Variants in GALNT17 observed in about 807,000 individuals in gnomAD.
GALNT17 encodes the protein UDP-GalNAc:polypeptide N-acetylgalactosaminyltransferase-like 3.
GALNT17 carries 29 observed loss-of-function variants against 63.7 expected under a neutral mutation model. That is an observed-to-expected ratio of 0.46 (90% CI 0.34 to 0.62). The LOEUF (loss-of-function observed/expected upper bound fraction) is 0.62, where lower values mean the gene tolerates loss of function less well. Ranked by LOEUF, GALNT17 falls within the 20% of genes least tolerant of loss-of-function variation. The probability of loss-of-function intolerance (pLI) is 0.01; values close to 1 mark genes in which losing one functional copy is unlikely to be tolerated. For synonymous variants in GALNT17, 305 were observed against 318.3 expected (o/e 0.96, Z 0.45); for missense variants, 603 against 799.6 (o/e 0.75, Z 2.97).
intron 1 of GALNT17, among the ~76,000 whole-genome samples, chr7:71,212,917 C>A (rs1485466762): frequency 6.6e-6 from 1 of 152,138 alleles, no homozygotes; most frequent in Admixed American, 6.5e-5. Flanking sequence ...GAGGAAGGGA[C>A]TTGCCTTGTC....
At chr7:71,309,345 C>G (rs1791370058) in intron 1 of GALNT17, among the ~76,000 whole-genome samples, 1 of 152,028 alleles carries the variant, frequency 6.6e-6, no homozygotes, top group African/African-American at 2.4e-5. Context: ...CCATCTCATT[C>G]CCTGCTAAAT....
rs867682497 is a variant in GALNT17, at chr7:71,680,574, C to G, written c.1500+3268C>G. On this transcript the variant is annotated intron_variant, in intron 9 of 10. Coordinates refer to ENST00000333538, the MANE Select transcript of GALNT17 (RefSeq NM_022479.3). ...TCCCTCTCTCCCTTCCTCCCTCCCT[C>G]TCTCCCTTCCTCCCTCCCTCTCTCT... Among the ~76,000 whole-genome samples, 32 of 25,596 alleles carry G rather than the reference C, an allele frequency of 1.3e-3. 15 individuals are homozygous for G. The highest frequency in any genetic ancestry group is 3.5e-3 in the Non-Finnish European group (29 of 8,204). The allele number at this position is 25,596 out of a possible 152,430, so 16.8% of individuals were successfully genotyped here. A position where few individuals can be genotyped will look rare whatever the true frequency, so the allele number is the denominator to read the frequency against.
At chr7:71,274,952 G>T (rs1442684659) in intron 1 of GALNT17, among the ~76,000 whole-genome samples, 5 of 152,204 alleles carry the variant, frequency 3.3e-5, no homozygotes, top group African/African-American at 7.2e-5. Context: ...GCCCTGGGGG[G>T]TCGAAAGGGG....
intron 9 of GALNT17, among the ~76,000 whole-genome samples, chr7:71,687,524 C>T (rs997073368): frequency 6.6e-5 from 10 of 152,162 alleles, no homozygotes; most frequent in South Asian, 2.1e-4. Flanking sequence ...ATTGAAGTTT[C>T]GCCCAAGAAA....
intron 5 of GALNT17, among the ~76,000 whole-genome samples, chr7:71,428,743 G>A (rs939841684): frequency 2.0e-5 from 3 of 152,232 alleles, no homozygotes; most frequent in Middle Eastern, 3.4e-3. Context: ...GGCTGACATC[G>A]TTTTTAAAGT....
In GALNT17 at chr7:71,377,114, A is replaced by ATATATATATATATATAT. The variant is rs1554362120; in HGVS notation, c.423-11121_423-11120insTATATATATATATATAT. 8.7e-5 allele frequency among the ~76,000 whole-genome samples: 5 copies of ATATATATATATATATAT among 57,464 alleles called. 1 individual carries two copies. Among genetic ancestry groups the ATATATATATATATATAT allele is most frequent in the African/African-American group, 1.9e-4 (2 of 10,672 alleles). 37.7% of individuals were successfully genotyped at this position (57,464 alleles called of 152,430 possible). ...AAAAAAAAAAAATAAAAATAAAAAA[A>ATATATATATATATATAT]ATATATATATATATATATATATATA... is the stretch of plus-strand genomic sequence containing the variant. On this transcript the variant is annotated intron_variant, in intron 2 of 10. Transcript: ENST00000333538.
At chr7:71,614,893 GAGGGAGGGAGGGAGGA>G (rs1790177994) in intron 6 of GALNT17, among the ~76,000 whole-genome samples, 1 of 124,510 alleles carries the variant, frequency 8.0e-6, no homozygotes, top group South Asian at 3.2e-4. Context: ...GGGAGGGAGG[GAGGGAGGGAGGGAGGA>G]AGGGAGGGAA....
At chr7:71,529,276 T>A (rs1788675725) in intron 5 of GALNT17, among the ~76,000 whole-genome samples, 1 of 151,884 alleles carries the variant, frequency 6.6e-6, no homozygotes, top group African/African-American at 2.4e-5. Flanking sequence ...CATCTCTCTA[T>A]GTTTACAACT....
At chr7:71,299,192 T>C (rs1791145070) in intron 1 of GALNT17, among the ~76,000 whole-genome samples, 1 of 152,188 alleles carries the variant, frequency 6.6e-6, no homozygotes, top group Admixed American at 6.6e-5. Context: ...TGGGACCAGC[T>C]GGTGGCCCGC....
intron 6 of GALNT17, among the ~76,000 whole-genome samples, chr7:71,646,375 C>T (rs1241895592): frequency 6.6e-6 from 1 of 152,160 alleles, no homozygotes; most frequent in Non-Finnish European, 1.5e-5. Flanking sequence ...ATGGCAGGAC[C>T]AGGGCTGTTC....
intron 1 of GALNT17, among the ~76,000 whole-genome samples, chr7:71,194,503 G>A (rs374211621): frequency 6.6e-6 from 1 of 152,168 alleles, no homozygotes; most frequent in African/African-American, 2.4e-5. Flanking sequence ...GAAGGAATAG[G>A]TAGGTTTTTG....
chr7:71,371,888 G>C (rs1792630230), intron 2 of GALNT17, among the ~76,000 whole-genome samples: 1 of 152,174 alleles, frequency 6.6e-6, no homozygotes, highest in Non-Finnish European at 1.5e-5. Context: ...TATTCTCTAA[G>C]AGCAGGTCTG....
intron 7 of GALNT17, among the ~76,000 whole-genome samples, chr7:71,668,288 G>A (rs1202587560): frequency 6.6e-6 from 1 of 151,816 alleles, no homozygotes; most frequent in Non-Finnish European, 1.5e-5. Flanking sequence ...AGGCCGAGGC[G>A]GGCAGATCAC....
intron 1 of GALNT17, among the ~76,000 whole-genome samples, chr7:71,298,837 G>A (rs577996406): frequency 1.8e-4 from 27 of 152,110 alleles, no homozygotes; most frequent in Admixed American, 8.5e-4. Flanking sequence ...GAGTTTGGTA[G>A]CCCAATTCAA....
intron 1 of GALNT17, among the ~76,000 whole-genome samples, chr7:71,328,383 C>T (rs1269456045): frequency 6.6e-6 from 1 of 152,302 alleles, no homozygotes; most frequent in East Asian, 1.9e-4. Context: ...TTTGCTGCTG[C>T]TTCTCCCCCT....
At chr7:71,288,578 G>A (rs1790920118) in intron 1 of GALNT17, among the ~76,000 whole-genome samples, 1 of 152,196 alleles carries the variant, frequency 6.6e-6, no homozygotes, top group Non-Finnish European at 1.5e-5. Flanking sequence ...CAAACTTTCA[G>A]AGGTGTTTGA....
intron 5 of GALNT17, among the ~76,000 whole-genome samples, chr7:71,445,852 A>G (rs990805423): frequency 4.6e-5 from 7 of 151,370 alleles, no homozygotes; most frequent in Non-Finnish European, 7.4e-5. Context: ...AGCTGTGATG[A>G]CAGGAGAGAG....
chr7:71,302,468 G>A (rs921318032), intron 1 of GALNT17, among the ~76,000 whole-genome samples: 3 of 152,106 alleles, frequency 2.0e-5, no homozygotes, highest in Admixed American at 6.5e-5. Flanking sequence ...TCTACATGGC[G>A]GCCTTCGAAT....
At chr7:71,220,785 C>G (rs1789568833) in intron 1 of GALNT17, among the ~76,000 whole-genome samples, 1 of 152,056 alleles carries the variant, frequency 6.6e-6, no homozygotes, top group African/African-American at 2.4e-5. Flanking sequence ...ATCTACAAGC[C>G]AAGGAGAGAC....
Sources: allele counts gnomAD v4.1 joint callset (sites outside exome capture counted in the v4.1 genomes callset), GRCh38; gene constraint gnomAD v4.1.1; transcripts MANE v1.5; gene names NCBI Gene and HGNC (gene_info 2026-07-23, HGNC 2026-07-21).